DIP2C: variants seen among roughly 807,000 people sequenced by gnomAD.
DIP2C encodes DIP2 acetate--CoA ligase C (putative).
Under a neutral mutation model 192.4 loss-of-function variants are expected in DIP2C, and 33 were observed. The observed-to-expected ratio is 0.17, with a 90% CI of 0.13 to 0.23. DIP2C has a LOEUF of 0.23. DIP2C is among the 10% of genes least tolerant of loss of function. The pLI is 1.00. For missense variants in DIP2C, 1,537 were observed against 2,110.1 expected (o/e 0.73, Z 5.32); for synonymous variants, 979 against 864.1 (o/e 1.13, Z -2.33).
At chr10:567,169 C>A (rs546869079) in intron 1 of DIP2C, among the ~76,000 whole-genome samples, 2 of 148,956 alleles carry the variant, frequency 1.3e-5, no homozygotes, top group Non-Finnish European at 2.9e-5. Flanking sequence ...GGACAGGCAC[C>A]GGTTTTGGGG....
At chr10:439,941 T>G (rs552702956) in intron 4 of DIP2C, among the ~76,000 whole-genome samples, 1 of 152,228 alleles carries the variant, frequency 6.6e-6, no homozygotes, top group African/African-American at 2.4e-5. Context: ...CAAAGTGGGA[T>G]GTAAGGTGAT....
At chr10:566,192 T>C (rs566176583) in intron 1 of DIP2C, among the ~76,000 whole-genome samples, 127 of 152,380 alleles carry the variant, frequency 8.3e-4, no homozygotes, top group Non-Finnish European at 1.5e-3. Context: ...TGCCCCTTTT[T>C]AAACTGTAAT....
chr10:648,801 G>A (rs557135210), intron 1 of DIP2C, among the ~76,000 whole-genome samples: 4,086 of 149,384 alleles, frequency 0.027, 84 homozygotes, highest in Non-Finnish European at 0.045. Context: ...CGGTGGGAGA[G>A]AACAGAGGGA....
In DIP2C at chr10:579,758, T is replaced by G. The variant is rs564753707; in HGVS notation, c.86-93228A>C. The stretch of plus-strand genomic sequence containing the variant: ...ATACATAGGTACACTATAATGTATG[T>G]ACATGCAGAGCATACACATCCATAT... On this transcript the variant is annotated intron_variant, in intron 1 of 36. Coordinates refer to ENST00000280886, the MANE Select transcript of DIP2C (RefSeq NM_014974.3). Among the ~76,000 whole-genome samples, 295 of 152,142 alleles carry G rather than the reference T, an allele frequency of 1.9e-3. 1 individual carries two copies. The highest frequency in any genetic ancestry group is 0.01 in the Middle Eastern group (3 of 294).
At position 566,783 on chromosome 10, in the gene DIP2C, C is replaced by CA. The variant is rs373348934; in HGVS notation, c.86-80254dup. Among the ~76,000 whole-genome samples, 929 of 152,356 alleles carry CA rather than the reference C, an allele frequency of 6.1e-3. 12 individuals are homozygous for CA. Among genetic ancestry groups the CA allele is most frequent in the African/African-American group, 0.021 (874 of 41,588 alleles). Reference sequence around the variant, plus strand: ...CTCAAAGTCAGGCCCATCGGACAGACAGCCTGGCTCACAGGCACCATGCGG... The same window carrying CA: ...CTCAAAGTCAGGCCCATCGGACAGACAAGCCTGGCTCACAGGCACCATGCGG... On this transcript the variant is annotated intron_variant, in intron 1 of 36. Coordinates refer to ENST00000280886, the MANE Select transcript of DIP2C (RefSeq NM_014974.3).
chr10:495,829 C>T (rs1240689571), intron 1 of DIP2C, among the ~76,000 whole-genome samples: 1 of 151,750 alleles, frequency 6.6e-6, no homozygotes, highest in Non-Finnish European at 1.5e-5. Context: ...TCTCAATACC[C>T]CAAAGAACAT....
At chr10:456,214 A>G (rs1448288403) in intron 3 of DIP2C, among the ~76,000 whole-genome samples, 1 of 129,798 alleles carries the variant, frequency 7.7e-6, no homozygotes, top group African/African-American at 3.0e-5. Context: ...AACACTCTGC[A>G]GTGAGTCCCT....
chr10:578,666 C>T (rs72774562), intron 1 of DIP2C, among the ~76,000 whole-genome samples: 20,888 of 152,178 alleles, frequency 0.14, 1,949 homozygotes, highest in Non-Finnish European at 0.2. Context: ...CTGCAGGGGC[C>T]CTATTCCTGT....
chr10:506,857 G>A (rs1188614667), intron 1 of DIP2C, among the ~76,000 whole-genome samples: 1 of 152,230 alleles, frequency 6.6e-6, no homozygotes, highest in East Asian at 1.9e-4. Context: ...TCAGAGGTGT[G>A]AGGTTATGGA....
chr10:324,879 T>C (rs1957197430), intron 31 of DIP2C: 1 of 519,624 alleles, frequency 1.9e-6, no homozygotes, highest in South Asian at 1.4e-5. Flanking sequence ...GTCCCTTTCC[T>C]GCGCTGTTTT....
chr10:421,174 C>T (rs565126091), intron 5 of DIP2C, among the ~76,000 whole-genome samples: 5 of 152,152 alleles, frequency 3.3e-5, no homozygotes, highest in Non-Finnish European at 5.9e-5. Context: ...TAGAAATTAC[C>T]GGAATGTGGT....
intron 1 of DIP2C, among the ~76,000 whole-genome samples, chr10:505,328 T>G (rs1196057831): frequency 6.6e-6 from 1 of 152,192 alleles, no homozygotes; most frequent in Non-Finnish European, 1.5e-5. Context: ...AAGACGCTCT[T>G]CAGGAAACAG....
chr10:617,917 A>C (rs1338393362), intron 1 of DIP2C, among the ~76,000 whole-genome samples: 1 of 148,984 alleles, frequency 6.7e-6, no homozygotes, highest in Non-Finnish European at 1.5e-5. Context: ...ACAGAAATCC[A>C]CTTTGACTTC....
At chr10:610,324 G>A (rs1220879075) in intron 1 of DIP2C, among the ~76,000 whole-genome samples, 1 of 152,204 alleles carries the variant, frequency 6.6e-6, no homozygotes, top group African/African-American at 2.4e-5. Flanking sequence ...CATGGGGAGA[G>A]GCTGGTAAGG....
At chr10:678,809 G>C (rs1432772157) in intron 1 of DIP2C, among the ~76,000 whole-genome samples, 4 of 45,702 alleles carry the variant, frequency 8.8e-5, no homozygotes, top group East Asian at 5.5e-4. Context: ...CCACGCCCAT[G>C]CTCCCCGCGC....
chr10:424,845 C>A (rs1966467893), intron 4 of DIP2C, among the ~76,000 whole-genome samples: 1 of 152,186 alleles, frequency 6.6e-6, no homozygotes, highest in South Asian at 2.1e-4. Context: ...TTCCAAGAAA[C>A]CTGAAGGATA....
chr10:646,483 T>C (rs1855462199), intron 1 of DIP2C, among the ~76,000 whole-genome samples: 1 of 152,190 alleles, frequency 6.6e-6, no homozygotes, highest in African/African-American at 2.4e-5. Context: ...ACCAGCCAGG[T>C]AGCACCTGCT....
At chr10:376,314 G>A (rs374645890) in intron 17 of DIP2C, among the ~76,000 whole-genome samples, 3 of 152,174 alleles carry the variant, frequency 2.0e-5, no homozygotes, top group East Asian at 3.9e-4. Flanking sequence ...AGCCGGCAGG[G>A]AGAAGGACCC....
Position 659,389 on chromosome 10 carries a change from C to T in DIP2C, c.85+30105G>A, listed in dbSNP as rs140060185. 1.4e-3 allele frequency among the ~76,000 whole-genome samples: 212 copies of T among 152,354 alleles called. 1 individual carries two copies. Among genetic ancestry groups the T allele is most frequent in the African/African-American group, 4.7e-3 (195 of 41,582 alleles). On this transcript the variant is annotated intron_variant, in intron 1 of 36. Coordinates refer to ENST00000280886, the MANE Select transcript of DIP2C (RefSeq NM_014974.3). ...TTTCATACACATAAATGCAAACACA[C>T]ATACATATATACACCCCTCAAAGAC...
Sources: gnomAD v4.1 joint callset for allele counts (sites outside exome capture counted in the v4.1 genomes callset) on GRCh38, gnomAD v4.1.1 for gene constraint, MANE v1.5 for transcripts, NCBI Gene and HGNC (gene_info 2026-07-23, HGNC 2026-07-21) for gene names.